The following BFAR variants were observed in gnomAD, a reference collection of about 807,000 sequenced individuals.
The protein encoded by BFAR is bifunctional apoptosis regulator, also known as RING finger protein 47.
In BFAR, 52 loss-of-function variants were observed where a neutral mutation model predicts 54.4. The ratio of observed to expected loss-of-function variants is 0.96; its 90% CI spans 0.77 to 1.21. The LOEUF is 1.21. Among genes scored for constraint, BFAR ranks in the 50% most tolerant of loss-of-function variants. The pLI is 0.00. For missense variants in BFAR, 571 were observed against 534.0 expected, an observed-to-expected ratio of 1.07 and a Z score of -0.68; for synonymous variants, 215 against 204.3, an observed-to-expected ratio of 1.05 and a Z score of -0.45.
intron 5 of BFAR, among the ~76,000 whole-genome samples, chr16:14,656,252 C>T (rs913085520): frequency 2.0e-5 from 3 of 151,826 alleles, no homozygotes; most frequent in Admixed American, 1.3e-4. Flanking sequence ...GTGGGCTGGG[C>T]ATGGTGGTTC....
chr16:14,648,409 T>G lies in BFAR; in HGVS notation c.285T>G (p.Phe95Leu), dbSNP rs1350382477. ...ATAGGGATGCCATTGAAAAGTTATTTCCTGATGCCATTAGACTGAGATTTG... is the reference window on the plus strand; with the variant it reads ...ATAGGGATGCCATTGAAAAGTTATTGCCTGATGCCATTAGACTGAGATTTG... ...ILLRDAIEKLFPDAIRLRFED... is the reference protein window; with the variant it reads ...ILLRDAIEKLLPDAIRLRFED... The change falls in exon 3 of 8, where the codon TTT (phenylalanine) becomes TTG (leucine). Residue 95 changes from phenylalanine (F) to leucine (L), a missense_variant. By Grantham distance (22) the Phe-to-Leu change is conservative. Coordinates refer to ENST00000261658, the MANE Select transcript of BFAR (RefSeq NM_016561.3). The G allele has an allele frequency of 1.2e-6, 2 of 1,613,244 alleles. No homozygotes were observed. The highest frequency in any genetic ancestry group is 2.7e-5 in the African/African-American group (2 of 74,906).
At chr16:14,640,151 C>CAAA (rs549719277) in intron 1 of BFAR, among the ~76,000 whole-genome samples, 1 of 110,304 alleles carries the variant, frequency 9.1e-6, no homozygotes, top group Non-Finnish European at 1.9e-5. Context: ...GACCTAGCTC[C>CAAA]AAAAAAAAAA....
intron 1 of BFAR, among the ~76,000 whole-genome samples, chr16:14,637,688 G>C (rs1959494901): frequency 6.6e-6 from 1 of 152,072 alleles, no homozygotes; most frequent in African/African-American, 2.4e-5. Flanking sequence ...ATTTAGCCAG[G>C]CATGGTGGCG....
At chr16:14,660,832 T>C (rs536889819) in intron 5 of BFAR, among the ~76,000 whole-genome samples, 2 of 151,696 alleles carry the variant, frequency 1.3e-5, no homozygotes, top group South Asian at 2.1e-4. Flanking sequence ...ACCTGGGAGG[T>C]AGACGTTGCA....
chr16:14,653,430 C>T (rs1487551582), intron 4 of BFAR, among the ~76,000 whole-genome samples: 5 of 152,036 alleles, frequency 3.3e-5, no homozygotes, highest in African/African-American at 1.2e-4. Context: ...TGGGTTCAAG[C>T]GATTCTCCTG....
Position 14,644,270 on chromosome 16 carries a change from C to A in BFAR, c.-73-4C>A. ...TTATTTTTGTCTCTGTTTTTTTTTT[C>A]TAGATTAATGATGTTTTGCAGCAGT... is the stretch of plus-strand genomic sequence containing the variant. On this transcript the variant is annotated splice_polypyrimidine_tract_variant and splice_region_variant and intron_variant, in intron 1 of 7. Transcript: ENST00000261658. 7.9e-7 allele frequency: 1 copy of A among 1,273,514 alleles called. No homozygotes were observed. The highest frequency in any genetic ancestry group is 1.1e-6 in the Non-Finnish European group (1 of 942,166). The allele number at this position is 1,273,514 out of a possible 1,614,324, so 78.9% of individuals were successfully genotyped here.
chr16:14,655,921 G>A (rs1173571314), intron 5 of BFAR, among the ~76,000 whole-genome samples: 1 of 152,078 alleles, frequency 6.6e-6, no homozygotes, highest in Non-Finnish European at 1.5e-5. Context: ...TCAAGAGTGA[G>A]GCTCTGGGCT....
At chr16:14,640,147 G>T (rs1959576007) in intron 1 of BFAR, among the ~76,000 whole-genome samples, 1 of 146,882 alleles carries the variant, frequency 6.8e-6, no homozygotes, top group South Asian at 2.1e-4. Flanking sequence ...GTGAGACCTA[G>T]CTCCAAAAAA....
chr16:14,654,813 T>C (rs941570672), intron 4 of BFAR, among the ~76,000 whole-genome samples: 7 of 152,186 alleles, frequency 4.6e-5, no homozygotes, highest in Non-Finnish European at 8.8e-5. Context: ...TTTTCTGATC[T>C]ACAAAAGCAG....
chr16:14,635,446 A>G (rs78678663), intron 1 of BFAR, among the ~76,000 whole-genome samples: 1 of 152,330 alleles, frequency 6.6e-6, no homozygotes, highest in African/African-American at 2.4e-5. Context: ...GTAACTAACC[A>G]TAGTTTTTGA....
chr16:14,646,859 C>T (rs1959812466), intron 2 of BFAR, among the ~76,000 whole-genome samples: 1 of 152,068 alleles, frequency 6.6e-6, no homozygotes, highest in Non-Finnish European at 1.5e-5. Flanking sequence ...CCTTATTTTC[C>T]CATCTTAGAA....
chr16:14,649,875 C>T lies in BFAR; in HGVS notation c.540C>T (p.Ala180=), dbSNP rs781064997. The change falls in exon 4 of 8, where the codon GCC becomes GCT. Residue 180 remains alanine (A), a synonymous_variant. Coordinates refer to ENST00000261658, the MANE Select transcript of BFAR (RefSeq NM_016561.3). ...ACCTCCTGGTCCACAAGGCTGTGGC[C>T]AAATGGACGGCGGAAGAAGTTGTCC... ...EHDLLVHKAV[A]KWTAEEVVLW... 1 of 1,613,414 alleles carries T rather than the reference C, an allele frequency of 6.2e-7. No individual in the cohort carries two copies. Among genetic ancestry groups the T allele is most frequent in the Non-Finnish European group, 8.5e-7 (1 of 1,179,666 alleles).
intron 5 of BFAR, among the ~76,000 whole-genome samples, chr16:14,659,331 T>C (rs571295021): frequency 1.3e-5 from 2 of 151,218 alleles, no homozygotes; most frequent in South Asian, 4.2e-4. Flanking sequence ...AACCTCCACC[T>C]CCCAGGTTCA....
chr16:14,638,574 C>T (rs1407515670), intron 1 of BFAR, among the ~76,000 whole-genome samples: 2 of 152,106 alleles, frequency 1.3e-5, no homozygotes, highest in Non-Finnish European at 1.5e-5. Context: ...CTTTATTTTC[C>T]CTGTGATTCT....
rs1265806155 is a variant in BFAR at position 14,655,093 on chromosome 16, A to C, written c.666A>C (p.Glu222Asp). The C allele has an allele frequency of 6.2e-7, 1 of 1,609,392 alleles. No individual in the cohort carries two copies. The highest frequency in any genetic ancestry group is 8.5e-7 in the Non-Finnish European group (1 of 1,178,474). Residue 222 changes from glutamate (E) to aspartate (D), a missense_variant, in exon 5 of 8, where the codon GAA (glutamate) becomes GAC (aspartate). Coordinates refer to ENST00000261658, the MANE Select transcript of BFAR (RefSeq NM_016561.3). ...TGCTTTTAACTTTGACAGAGGAAGAATTTTCCAAGACGCCCTATACCATAG... is the reference window on the plus strand; with the variant it reads ...TGCTTTTAACTTTGACAGAGGAAGACTTTTCCAAGACGCCCTATACCATAG... Reference protein sequence around the residue: ...GRLLLTLTEEEFSKTPYTIEN... With the variant: ...GRLLLTLTEEDFSKTPYTIEN...
Position 14,644,393 on chromosome 16 carries a change from G to A in BFAR, c.47G>A (p.Arg16Lys). The change falls in exon 2 of 8, where the codon AGA (arginine) becomes AAA (lysine). Residue 16 changes from arginine to lysine, a missense_variant. By Grantham distance (26) the Arg-to-Lys change is conservative (BLOSUM62 2). Coordinates refer to ENST00000261658, the MANE Select transcript of BFAR (RefSeq NM_016561.3). ...TATGTGAACACAATGGACCTTGAGA[G>A]AGATGAACCTCTCAAAAGCACCGGC... Reference protein sequence around the residue: ...KSYVNTMDLERDEPLKSTGPQ... With the variant: ...KSYVNTMDLEKDEPLKSTGPQ... 1 of 1,613,972 alleles carries A rather than the reference G, an allele frequency of 6.2e-7. No individual in the cohort carries two copies.
intron 4 of BFAR, among the ~76,000 whole-genome samples, chr16:14,651,750 G>T (rs1405861538): frequency 6.6e-6 from 1 of 151,982 alleles, no homozygotes; most frequent in African/African-American, 2.4e-5. Context: ...AAAATGTTGT[G>T]ATTATAGGCA....
In BFAR at chr16:14,665,088, G is replaced by T; in HGVS notation, c.1160+17G>T. The T allele has an allele frequency of 6.3e-7, 1 of 1,588,526 alleles. No individual in the cohort carries two copies. Among genetic ancestry groups the T allele is most frequent in the Non-Finnish European group, 8.6e-7 (1 of 1,157,224 alleles). ...TGAACTGAAGTAAGTATGTTTTAAT[G>T]GTTGTCACAACAGGGGATGGGAAAG... On this transcript the variant is annotated intron_variant, in intron 7 of 7. Transcript: ENST00000261658.
intron 1 of BFAR, among the ~76,000 whole-genome samples, chr16:14,639,762 A>G (rs1034925024): frequency 1.3e-5 from 2 of 152,194 alleles, no homozygotes; most frequent in Admixed American, 6.5e-5. Flanking sequence ...GGTCATGTTG[A>G]TTATATATCT....
Sources: allele counts gnomAD v4.1 joint callset (sites outside exome capture counted in the v4.1 genomes callset), GRCh38; gene constraint gnomAD v4.1.1; transcripts MANE v1.5; gene names NCBI Gene and HGNC (gene_info 2026-07-23, HGNC 2026-07-21).